Variants in ALCAM observed in about 807,000 individuals in gnomAD.
The protein encoded by ALCAM is CD166 antigen.
In ALCAM, 30 loss-of-function variants were observed where a neutral mutation model predicts 70.9. The observed-to-expected ratio is 0.42, with a 90% CI of 0.32 to 0.57. The LOEUF (loss-of-function observed/expected upper bound fraction) is 0.57, where lower values mean the gene tolerates loss of function less well. Ranked by LOEUF, ALCAM falls within the 20% of genes least tolerant of loss-of-function variation. ALCAM has a pLI of 0.11. For synonymous variants in ALCAM, 249 were observed against 242.5 expected, an observed-to-expected ratio of 1.03 and a Z score of -0.25; for missense variants, 591 against 695.1, an observed-to-expected ratio of 0.85 and a Z score of 1.68.
chr3:105,420,093 C>CA (rs1261090762), intron 1 of ALCAM, among the ~76,000 whole-genome samples: 1 of 151,364 alleles, frequency 6.6e-6, no homozygotes, highest in Middle Eastern at 3.2e-3. Context: ...ATTTTAAAGT[C>CA]AAAAAAATAG....
At chr3:105,474,268 A>G (rs1239385787) in intron 1 of ALCAM, among the ~76,000 whole-genome samples, 3 of 151,806 alleles carry the variant, frequency 2.0e-5, no homozygotes, top group Non-Finnish European at 4.4e-5. Context: ...CAGGCACTGA[A>G]TAGAACTGTT....
intron 15 of ALCAM, among the ~76,000 whole-genome samples, chr3:105,573,458 T>C (rs756121081): frequency 5.9e-5 from 9 of 152,244 alleles, no homozygotes; most frequent in East Asian, 3.8e-4. Context: ...TGTATACATA[T>C]ACGCATATGC....
intron 1 of ALCAM, among the ~76,000 whole-genome samples, chr3:105,509,446 A>G (rs1418651355): frequency 6.6e-6 from 1 of 151,916 alleles, no homozygotes; most frequent in Non-Finnish European, 1.5e-5. Flanking sequence ...TTTTGATTTA[A>G]TTTCCCTAAT....
intron 1 of ALCAM, among the ~76,000 whole-genome samples, chr3:105,503,694 G>C (rs975060694): frequency 1.3e-5 from 2 of 152,108 alleles, no homozygotes; most frequent in African/African-American, 2.4e-5. Flanking sequence ...AGTCCAAATT[G>C]TTTAAGCTAT....
rs1003577348 is a variant in ALCAM, at chr3:105,575,434, G to A, written c.*983G>A. ...TAACAGTGGTCATTATCAAAGCTGT[G>A]TTATTTTCCACAGAATATAGAATAT... On this transcript the variant is annotated 3_prime_UTR_variant, in exon 16 of 16. Transcript: ENST00000306107. 6.6e-6 allele frequency: 1 copy of A among 152,398 alleles called. No individual in the cohort carries two copies. The highest frequency in any genetic ancestry group is 1.5e-5 in the Non-Finnish European group (1 of 67,980). The allele number at this position is 152,398 out of a possible 1,614,324, so 9.4% of individuals were successfully genotyped here.
chr3:105,441,803 C>T (rs961512074), intron 1 of ALCAM, among the ~76,000 whole-genome samples: 1 of 152,014 alleles, frequency 6.6e-6, no homozygotes, highest in African/African-American at 2.4e-5. Flanking sequence ...TTAGAAATGA[C>T]GATAAAAGAA....
chr3:105,576,847 G>C lies in ALCAM; in HGVS notation c.*2396G>C, dbSNP rs999223777. 6.6e-6 allele frequency: 1 copy of C among 152,110 alleles called. No homozygotes were observed. 9.4% of individuals were successfully genotyped at this position (152,110 alleles called of 1,614,324 possible). Reference sequence around the variant, plus strand: ...GATTATAGGAATTGTTTGTGGAAATGGATTAACATACCCGTCTATGCCTAA... The same window carrying C: ...GATTATAGGAATTGTTTGTGGAAATCGATTAACATACCCGTCTATGCCTAA... On this transcript the variant is annotated 3_prime_UTR_variant, in exon 16 of 16. Coordinates refer to ENST00000306107, the MANE Select transcript of ALCAM (RefSeq NM_001627.4).
intron 14 of ALCAM, among the ~76,000 whole-genome samples, chr3:105,567,314 T>A (rs1940763734): frequency 6.6e-6 from 1 of 152,204 alleles, no homozygotes; most frequent in African/African-American, 2.4e-5. Flanking sequence ...TTTCTCATTG[T>A]TTCTTTAAAT....
At chr3:105,421,837 TA>T (rs1936658137) in intron 1 of ALCAM, among the ~76,000 whole-genome samples, 1 of 151,358 alleles carries the variant, frequency 6.6e-6, no homozygotes, top group Admixed American at 6.6e-5. Context: ...TTGAGGTTTT[TA>T]ATTTTTTTTT....
chr3:105,576,214 C>T lies in ALCAM; in HGVS notation c.*1763C>T, dbSNP rs189121219. On this transcript the variant is annotated 3_prime_UTR_variant, in exon 16 of 16. Transcript: ENST00000306107. ...ATTGAATCTTGGTCAACATTTAAAC[C>T]AAAGTAAAAGGGGAAAAACCAAAGT... The T allele has an allele frequency of 1.3e-5, 2 of 152,594 alleles. No individual in the cohort carries two copies. The highest frequency in any genetic ancestry group is 1.3e-4 in the Admixed American group (2 of 15,292). 9.5% of individuals were successfully genotyped at this position (152,594 alleles called of 1,614,324 possible). A position where few individuals can be genotyped will look rare whatever the true frequency, so the allele number is the denominator to read the frequency against.
At chr3:105,391,063 A>T (rs1576128726) in intron 1 of ALCAM, among the ~76,000 whole-genome samples, 2 of 151,772 alleles carry the variant, frequency 1.3e-5, no homozygotes, top group African/African-American at 2.4e-5. Flanking sequence ...GCTTAGGATT[A>T]TCTTGGCTAT....
chr3:105,371,961 A>G (rs1385989431), intron 1 of ALCAM, among the ~76,000 whole-genome samples: 1 of 152,188 alleles, frequency 6.6e-6, no homozygotes, highest in Non-Finnish European at 1.5e-5. Context: ...TGTGTGTGAC[A>G]CATGTATGTG....
At chr3:105,438,434 A>T (rs1937099782) in intron 1 of ALCAM, among the ~76,000 whole-genome samples, 1 of 152,162 alleles carries the variant, frequency 6.6e-6, no homozygotes, top group South Asian at 2.1e-4. Context: ...TCAGAAAAAC[A>T]TGAAAAATCT....
chr3:105,531,561 T>G (rs1258836102), intron 3 of ALCAM, among the ~76,000 whole-genome samples: 21 of 151,940 alleles, frequency 1.4e-4, no homozygotes, highest in Non-Finnish European at 4.4e-5. Flanking sequence ...GTAGGCCAAA[T>G]AGGGCTCAGA....
chr3:105,422,783 G>A (rs968457602), intron 1 of ALCAM, among the ~76,000 whole-genome samples: 2 of 151,452 alleles, frequency 1.3e-5, no homozygotes, highest in African/African-American at 4.8e-5. Context: ...TCTTCCTGAA[G>A]AGTCAGTGGG....
At chr3:105,529,009 G>A (rs535883842) in intron 3 of ALCAM, among the ~76,000 whole-genome samples, 7 of 151,278 alleles carry the variant, frequency 4.6e-5, no homozygotes, top group South Asian at 4.2e-4. Context: ...GCGTGCACAC[G>A]CACACACACA....
intron 1 of ALCAM, among the ~76,000 whole-genome samples, chr3:105,500,230 C>A (rs1182956390): frequency 6.6e-6 from 1 of 151,558 alleles, no homozygotes; most frequent in Non-Finnish European, 1.5e-5. Context: ...ATTAATACGA[C>A]AAAGAATGAT....
At chr3:105,513,828 G>T (rs1380667662) in intron 1 of ALCAM, among the ~76,000 whole-genome samples, 3 of 151,874 alleles carry the variant, frequency 2.0e-5, no homozygotes, top group Non-Finnish European at 2.9e-5. Context: ...TTTTATTAGA[G>T]AAATTTTATG....
chr3:105,488,697 AGAAGGGAAGGAAAGAAGG>A (rs1938498818), intron 1 of ALCAM, among the ~76,000 whole-genome samples: 1 of 141,932 alleles, frequency 7.0e-6, no homozygotes, highest in African/African-American at 2.8e-5. Context: ...AGGAAAGGAA[AGAAGGGAAGGAAAGAAGG>A]GAAGGGAGGG....
Sources: gnomAD v4.1 joint callset for allele counts (sites outside exome capture counted in the v4.1 genomes callset) on GRCh38, gnomAD v4.1.1 for gene constraint, MANE v1.5 for transcripts, NCBI Gene and HGNC (gene_info 2026-07-23, HGNC 2026-07-21) for gene names.